RBFOX1: variants seen among roughly 807,000 people sequenced by gnomAD.
RBFOX1 encodes the protein RNA binding protein fox-1 homolog 1.
A neutral mutation model predicts 57.7 loss-of-function variants in RBFOX1; 8 were observed. That is an observed-to-expected ratio of 0.14 (90% CI 0.08 to 0.25). RBFOX1 has a LOEUF of 0.25. Among genes scored for constraint, RBFOX1 ranks in the 10% least tolerant of loss-of-function variants. RBFOX1 has a pLI of 1.00. For synonymous variants in RBFOX1, 326 were observed against 222.4 expected (o/e 1.47, Z -4.15); for missense variants, 611 against 548.5 (o/e 1.11, Z -1.14).
chr16:6,970,950 G>A (rs1240183838), intron 3 of RBFOX1, among the ~76,000 whole-genome samples: 3 of 152,268 alleles, frequency 2.0e-5, no homozygotes, highest in African/African-American at 7.2e-5. Flanking sequence ...ACAGGTGCAC[G>A]TGCATACCTA....
At chr16:7,029,137 TATGTGTATATATGTATATATATACAC>T in intron 3 of RBFOX1, among the ~76,000 whole-genome samples, 1 of 97,852 alleles carries the variant, frequency 1.0e-5, no homozygotes, top group East Asian at 5.0e-4. Context: ...CGTATATATA[TATGTGTATATATGTATATATATACAC>T]ATATATATAC....
At chr16:7,208,720 C>G (rs138297788) in intron 4 of RBFOX1, among the ~76,000 whole-genome samples, 5 of 152,112 alleles carry the variant, frequency 3.3e-5, no homozygotes, top group East Asian at 1.9e-4. Context: ...ACCTGTAGTC[C>G]CAACTAATAG....
intron 3 of RBFOX1, among the ~76,000 whole-genome samples, chr16:6,959,749 C>A (rs2082577963): frequency 6.6e-6 from 1 of 152,046 alleles, no homozygotes; most frequent in Non-Finnish European, 1.5e-5. Context: ...CCAGCCTGGC[C>A]AACATGGTGA....
intron 5 of RBFOX1, among the ~76,000 whole-genome samples, chr16:7,558,151 C>T (rs944287624): frequency 1.3e-5 from 2 of 152,008 alleles, no homozygotes; most frequent in African/African-American, 4.8e-5. Flanking sequence ...CCCAGGAGTT[C>T]AAGATCACCC....
intron 1 of RBFOX1, among the ~76,000 whole-genome samples, chr16:6,108,747 G>T (rs923992664): frequency 1.1e-4 from 16 of 152,024 alleles, no homozygotes; most frequent in Non-Finnish European, 8.8e-5. Context: ...CTAGCTTCTG[G>T]TGGGTGCTGC....
intron 4 of RBFOX1, among the ~76,000 whole-genome samples, chr16:7,242,950 C>G (rs767237608): frequency 3.9e-5 from 6 of 152,168 alleles, no homozygotes; most frequent in Non-Finnish European, 7.3e-5. Flanking sequence ...TGTCTACCTT[C>G]TTTATCTTCT....
chr16:6,027,829 G>T (rs1172575703), intron 1 of RBFOX1, among the ~76,000 whole-genome samples: 2 of 152,208 alleles, frequency 1.3e-5, no homozygotes, highest in Non-Finnish European at 2.9e-5. Flanking sequence ...TGAGAGTGAA[G>T]GGGGAAGAAC....
At chr16:7,324,681 C>G (rs543793764) in intron 4 of RBFOX1, among the ~76,000 whole-genome samples, 3 of 152,182 alleles carry the variant, frequency 2.0e-5, no homozygotes, top group Non-Finnish European at 4.4e-5. Context: ...GAGCATGGTG[C>G]TGCCTGAACC....
chr16:6,290,683 T>G (rs2077382357), intron 1 of RBFOX1, among the ~76,000 whole-genome samples: 1 of 152,188 alleles, frequency 6.6e-6, no homozygotes, highest in South Asian at 2.1e-4. Context: ...TCAGTGAATA[T>G]TGGAGGTGTT....
At chr16:7,053,403 G>A (rs971673478) in intron 4 of RBFOX1, among the ~76,000 whole-genome samples, 8 of 152,056 alleles carry the variant, frequency 5.3e-5, no homozygotes, top group African/African-American at 1.4e-4. Context: ...CTTTTTTCCT[G>A]TAGTCTGAAT....
chr16:6,985,848 C>G (rs371023941), intron 3 of RBFOX1, among the ~76,000 whole-genome samples: 1 of 45,702 alleles, frequency 2.2e-5, no homozygotes, highest in African/African-American at 9.9e-5. Context: ...AAAAAAAAAA[C>G]AGAATTTTTT....
At chr16:7,258,417 T>C (rs1177474146) in intron 4 of RBFOX1, among the ~76,000 whole-genome samples, 1 of 152,180 alleles carries the variant, frequency 6.6e-6, no homozygotes, top group Non-Finnish European at 1.5e-5. Context: ...GACATTCTGT[T>C]TCACTGTGTG....
chr16:5,563,802 C>T (rs1410351647), intron 2 of RBFOX1, among the ~76,000 whole-genome samples: 1 of 152,182 alleles, frequency 6.6e-6, no homozygotes, highest in East Asian at 1.9e-4. Flanking sequence ...TCATCACCCC[C>T]AAAGTAACCT....
chr16:5,567,947 G>A (rs1596306206), intron 2 of RBFOX1, among the ~76,000 whole-genome samples: 1 of 152,172 alleles, frequency 6.6e-6, no homozygotes, highest in Non-Finnish European at 1.5e-5. Flanking sequence ...CACAGTAGTG[G>A]GGCAGAGGGG....
intron 1 of RBFOX1, among the ~76,000 whole-genome samples, chr16:6,088,102 T>G (rs1277230823): frequency 6.6e-6 from 1 of 152,212 alleles, no homozygotes; most frequent in Non-Finnish European, 1.5e-5. Flanking sequence ...GTTCACCGTC[T>G]CGTTATTTCA....
chr16:5,502,755 C>G (rs1039432656), intron 2 of RBFOX1, among the ~76,000 whole-genome samples: 3 of 152,132 alleles, frequency 2.0e-5, no homozygotes, highest in Non-Finnish European at 2.9e-5. Flanking sequence ...TGCAGTGCAC[C>G]AGAGCCTGCC....
chr16:6,326,796 C>T (rs1489683796), intron 2 of RBFOX1, among the ~76,000 whole-genome samples: 1 of 151,784 alleles, frequency 6.6e-6, no homozygotes, highest in Non-Finnish European at 1.5e-5. Flanking sequence ...GACGTCCAGG[C>T]AGGAGGACAC....
intron 3 of RBFOX1, among the ~76,000 whole-genome samples, chr16:7,013,906 C>T (rs150113729): frequency 2.8e-4 from 43 of 152,270 alleles, no homozygotes; most frequent in African/African-American, 8.7e-4. Context: ...AATCTTCCTG[C>T]CTCAGCCTCC....
intron 4 of RBFOX1, among the ~76,000 whole-genome samples, chr16:5,961,670 C>T (rs919014491): frequency 6.6e-5 from 10 of 152,224 alleles, no homozygotes; most frequent in African/African-American, 1.9e-4. Flanking sequence ...CAGGCATGTG[C>T]CACCATGGCT....
Sources: allele counts gnomAD v4.1 joint callset (sites outside exome capture counted in the v4.1 genomes callset), GRCh38; gene constraint gnomAD v4.1.1; transcripts MANE v1.5; gene names NCBI Gene and HGNC (gene_info 2026-07-23, HGNC 2026-07-21).